The following OXR1 variants were observed in gnomAD, a reference collection of about 807,000 sequenced individuals.
OXR1 encodes oxidation resistance protein 1.
OXR1 carries 41 observed loss-of-function variants against 104.6 expected under a neutral mutation model. The observed-to-expected ratio is 0.39, with a 90% CI of 0.31 to 0.51. The LOEUF (loss-of-function observed/expected upper bound fraction) is 0.51, where lower values mean the gene tolerates loss of function less well. Ranked by LOEUF, OXR1 falls within the 20% of genes least tolerant of loss-of-function variation. OXR1 has a pLI of 0.77. For synonymous variants in OXR1, 348 were observed against 348.4 expected, an observed-to-expected ratio of 1.00 and a Z score of 0.01; for missense variants, 955 against 1,031.9, an observed-to-expected ratio of 0.93 and a Z score of 1.02.
chr8:106,345,258 A>G (rs1815431195), intron 1 of OXR1, among the ~76,000 whole-genome samples: 4 of 152,232 alleles, frequency 2.6e-5, no homozygotes, highest in Admixed American at 2.6e-4. Flanking sequence ...AATGAATAAC[A>G]TAAGAGATAT....
At chr8:106,724,516 C>T (rs993358343) in intron 11 of OXR1, among the ~76,000 whole-genome samples, 4 of 152,162 alleles carry the variant, frequency 2.6e-5, no homozygotes, top group Non-Finnish European at 5.9e-5. Flanking sequence ...TGTTGTTTCT[C>T]GAAGTGTAGT....
intron 3 of OXR1, among the ~76,000 whole-genome samples, chr8:106,562,523 T>G (rs1279710135): frequency 6.6e-6 from 1 of 152,090 alleles, no homozygotes; most frequent in Admixed American, 6.5e-5. Context: ...ACAGGGAGAA[T>G]GGAACCAAGT....
intron 1 of OXR1, among the ~76,000 whole-genome samples, chr8:106,316,724 CTATCTATCTATCTATCT>C (rs1563713968): frequency 2.4e-5 from 1 of 42,456 alleles, no homozygotes; most frequent in East Asian, 7.6e-4. Context: ...TATCATCTAT[CTATCTATCTATCTATCT>C]ATCTATCTAT....
At chr8:106,404,763 T>C (rs369244686) in intron 2 of OXR1, among the ~76,000 whole-genome samples, 34 of 152,184 alleles carry the variant, frequency 2.2e-4, no homozygotes, top group African/African-American at 7.0e-4. Flanking sequence ...TGGAGTGCAA[T>C]GGCACAATCT....
chr8:106,620,084 C>A (rs1821573897), intron 3 of OXR1, among the ~76,000 whole-genome samples: 1 of 152,114 alleles, frequency 6.6e-6, no homozygotes, highest in African/African-American at 2.4e-5. Flanking sequence ...ACTTAAACCT[C>A]TTCATCTAGA....
intron 2 of OXR1, among the ~76,000 whole-genome samples, chr8:106,411,743 A>C (rs1409936727): frequency 6.6e-6 from 1 of 152,098 alleles, no homozygotes; most frequent in Non-Finnish European, 1.5e-5. Flanking sequence ...GAATCTAGAG[A>C]GCTTGGGACT....
intron 3 of OXR1, among the ~76,000 whole-genome samples, chr8:106,611,750 C>G (rs918768280): frequency 2.0e-5 from 3 of 152,114 alleles, no homozygotes; most frequent in African/African-American, 7.2e-5. Flanking sequence ...TCTTTGCCAG[C>G]ATTAGGTGGG....
chr8:106,431,212 T>A (rs1286883171), intron 2 of OXR1, among the ~76,000 whole-genome samples: 1 of 152,158 alleles, frequency 6.6e-6, no homozygotes, highest in Non-Finnish European at 1.5e-5. Context: ...AGATGAATTG[T>A]CCCCACTCAT....
At chr8:106,643,120 C>A (rs1823796763) in intron 3 of OXR1, among the ~76,000 whole-genome samples, 1 of 152,048 alleles carries the variant, frequency 6.6e-6, no homozygotes, top group African/African-American at 2.4e-5. Context: ...ATTAGGGATA[C>A]CGAATGTCAC....
chr8:106,616,218 A>ATTTTTTTTTTTTTTTTTT (rs372788802), intron 3 of OXR1, among the ~76,000 whole-genome samples: 1 of 96,036 alleles, frequency 1.0e-5, no homozygotes, highest in Non-Finnish European at 2.0e-5. Context: ...ATTTTTTGGA[A>ATTTTTTTTTTTTTTTTTT]TTTTTTTTTT....
At chr8:106,587,221 A>T (rs1818696562) in intron 3 of OXR1, among the ~76,000 whole-genome samples, 1 of 152,120 alleles carries the variant, frequency 6.6e-6, no homozygotes. Flanking sequence ...CGGTGGGCAC[A>T]GATACTGGTA....
chr8:106,654,180 T>A (rs1824860257), intron 3 of OXR1, among the ~76,000 whole-genome samples: 1 of 152,098 alleles, frequency 6.6e-6, no homozygotes, highest in Non-Finnish European at 1.5e-5. Context: ...ACTTTTTTCT[T>A]TGAAGAAATT....
At chr8:106,443,967 A>T (rs1304230013) in intron 2 of OXR1, among the ~76,000 whole-genome samples, 1 of 152,244 alleles carries the variant, frequency 6.6e-6, no homozygotes, top group Non-Finnish European at 1.5e-5. Flanking sequence ...TGATATCCAA[A>T]ATTTAAAAGG....
chr8:106,718,280 T>A (rs542135199), intron 11 of OXR1, among the ~76,000 whole-genome samples: 1 of 152,280 alleles, frequency 6.6e-6, no homozygotes, highest in Non-Finnish European at 1.5e-5. Context: ...GCAGGAAAAA[T>A]TCCGTAATAT....
intron 1 of OXR1, among the ~76,000 whole-genome samples, chr8:106,331,847 T>A (rs983329591): frequency 4.0e-5 from 6 of 151,470 alleles, no homozygotes; most frequent in Non-Finnish European, 7.4e-5. Context: ...GGCTGAGGCG[T>A]GAGAATGATG....
At chr8:106,450,667 C>A (rs1820262707) in intron 2 of OXR1, among the ~76,000 whole-genome samples, 2 of 152,046 alleles carry the variant, frequency 1.3e-5, no homozygotes, top group African/African-American at 4.8e-5. Flanking sequence ...TAAAACAGAG[C>A]AGACCTTTTA....
At chr8:106,324,944 A>G (rs1401802712) in intron 1 of OXR1, among the ~76,000 whole-genome samples, 1 of 152,226 alleles carries the variant, frequency 6.6e-6, no homozygotes, top group Admixed American at 6.5e-5. Context: ...AGGAATTAGA[A>G]CTAGAATCCT....
intron 14 of OXR1, among the ~76,000 whole-genome samples, chr8:106,741,701 A>G (rs1265474455): frequency 2.0e-5 from 3 of 152,108 alleles, no homozygotes; most frequent in African/African-American, 7.2e-5. Flanking sequence ...CAATTTTCTC[A>G]TTAGGGTACT....
intron 11 of OXR1, among the ~76,000 whole-genome samples, chr8:106,720,233 G>A (rs1832711993): frequency 6.6e-6 from 1 of 152,142 alleles, no homozygotes; most frequent in Non-Finnish European, 1.5e-5. Flanking sequence ...GCATCATGAT[G>A]GGGAGCTTTC....
Sources: gnomAD v4.1 joint callset for allele counts (sites outside exome capture counted in the v4.1 genomes callset) on GRCh38, gnomAD v4.1.1 for gene constraint, MANE v1.5 for transcripts, NCBI Gene and HGNC (gene_info 2026-07-23, HGNC 2026-07-21) for gene names.